The following WBP1L variants were observed in gnomAD, a reference collection of about 807,000 sequenced individuals.
WBP1L encodes WW domain binding protein 1 like.
In WBP1L, 17 loss-of-function variants were observed where a neutral mutation model predicts 33.7. That is an observed-to-expected ratio of 0.50 (90% CI 0.34 to 0.76). The LOEUF (loss-of-function observed/expected upper bound fraction) is 0.76, where lower values mean the gene tolerates loss of function less well. WBP1L is among the 30% of genes least tolerant of loss of function. WBP1L has a pLI of 0.01. For synonymous variants in WBP1L, 173 were observed against 190.8 expected (o/e 0.91, Z 0.77); for missense variants, 389 against 469.4 (o/e 0.83, Z 1.58).
chr10:102,763,889 C>G (rs539994599), intron 1 of WBP1L, among the ~76,000 whole-genome samples: 7 of 152,330 alleles, frequency 4.6e-5, no homozygotes, highest in Non-Finnish European at 7.3e-5. Context: ...TCTCGACTCA[C>G]TGCAACCTCT....
At chr10:102,777,250 A>G (rs971933345) in intron 1 of WBP1L, among the ~76,000 whole-genome samples, 3 of 152,056 alleles carry the variant, frequency 2.0e-5, no homozygotes, top group African/African-American at 4.8e-5. Flanking sequence ...GCTGCTGGCC[A>G]TAAGGGGTGG....
chr10:102,786,134 T>G (rs1469169276), intron 1 of WBP1L, among the ~76,000 whole-genome samples: 1 of 152,238 alleles, frequency 6.6e-6, no homozygotes, highest in Non-Finnish European at 1.5e-5. Context: ...GAGGATGTAG[T>G]TGCAGTGCAG....
intron 2 of WBP1L, among the ~76,000 whole-genome samples, chr10:102,806,777 TG>T (rs1022939235): frequency 3.3e-5 from 5 of 152,110 alleles, no homozygotes; most frequent in Non-Finnish European, 7.4e-5. Context: ...CTGCCGGGGC[TG>T]GGGGGCATGT....
At chr10:102,766,116 A>G (rs1394282774) in intron 1 of WBP1L, among the ~76,000 whole-genome samples, 3 of 152,098 alleles carry the variant, frequency 2.0e-5, no homozygotes, top group Non-Finnish European at 4.4e-5. Flanking sequence ...CCTTGGCAAC[A>G]TAGGAAGACC....
intron 1 of WBP1L, among the ~76,000 whole-genome samples, chr10:102,768,610 C>T (rs59279736): frequency 2.1e-4 from 10 of 46,870 alleles, no homozygotes; most frequent in East Asian, 1.7e-3. Context: ...AGGATGGTCT[C>T]GATCTCCTGA....
At chr10:102,766,441 CAAAAA>C (rs56812691) in intron 1 of WBP1L, among the ~76,000 whole-genome samples, 1 of 57,456 alleles carries the variant, frequency 1.7e-5, no homozygotes, top group Non-Finnish European at 3.0e-5. Context: ...AACTCTGTCT[CAAAAA>C]AAAAAAAAAA....
At position 102,744,118 on chromosome 10, in the gene WBP1L, T is replaced by C. The variant is rs1372595195; in HGVS notation, c.65T>C (p.Leu22Ser). 2 of 1,552,196 alleles carry C rather than the reference T, an allele frequency of 1.3e-6. No homozygotes were observed. Among genetic ancestry groups the C allele is most frequent in the Non-Finnish European group, 8.7e-7 (1 of 1,147,832 alleles). ...LLLLQALPSP[L>S]SARAEPPQDK... ...CTCCTCCAGGCGCTGCCCAGCCCCT[T>C]GTCAGCCAGGGCTGAACCCCCGCAG... Residue 22 changes from leucine to serine, a missense_variant, in exon 1 of 4, where the codon TTG (leucine) becomes TCG (serine). Transcript: ENST00000448841.
At chr10:102,769,360 C>T (rs7912168) in intron 1 of WBP1L, among the ~76,000 whole-genome samples, 72,214 of 117,988 alleles carry the variant, frequency 0.61, 19,449 homozygotes, top group East Asian at 0.8. Flanking sequence ...TTTTTTCTTT[C>T]TTTTTTTTTT....
intron 1 of WBP1L, among the ~76,000 whole-genome samples, chr10:102,781,274 A>G (rs977990757): frequency 1.3e-5 from 2 of 152,132 alleles, no homozygotes; most frequent in African/African-American, 4.8e-5. Context: ...TGGAGAGGGA[A>G]GGGGGGGAAT....
chr10:102,744,777 T>G (rs7074894), intron 1 of WBP1L, among the ~76,000 whole-genome samples: 31,794 of 152,120 alleles, frequency 0.21, 3,447 homozygotes, highest in Middle Eastern at 0.31. Flanking sequence ...GCTCTTGCTG[T>G]TAGGCTGGCT....
intron 1 of WBP1L, among the ~76,000 whole-genome samples, chr10:102,792,681 A>G (rs284842): frequency 0.3 from 44,845 of 148,930 alleles, 6,929 homozygotes; most frequent in South Asian, 0.37. Context: ...CACAGCCTCC[A>G]CCTCCCGGGT....
Position 102,809,745 on chromosome 10 carries a change from A to C in WBP1L, c.194-148A>C. The C allele has an allele frequency of 4.7e-6, 4 of 843,804 alleles. No homozygotes were observed. In the South Asian group the frequency reaches 7.0e-5, roughly 15 times the overall value. 52.3% of individuals were successfully genotyped at this position (843,804 alleles called of 1,614,324 possible). ...ACAAGCATTTATGGAAATTGATCAC[A>C]TGGCTTCAATGTAAATTAACTGGGT... is the stretch of plus-strand genomic sequence containing the variant. On this transcript the variant is annotated intron_variant, in intron 2 of 3. Transcript: ENST00000448841.
Position 102,810,897 on chromosome 10 carries a change from C to T in WBP1L, c.355+843C>T, listed in dbSNP as rs553030238. On this transcript the variant is annotated intron_variant, in intron 3 of 3. Coordinates refer to ENST00000448841, the MANE Select transcript of WBP1L (RefSeq NM_001083913.2). ...CCTTCCCTCCCCTCTTTTCCTTTCC[C>T]TCCCCTCCCCTCCCCTTCCTCTTTC... 1.2e-3 allele frequency among the ~76,000 whole-genome samples: 165 copies of T among 138,088 alleles called. 1 individual carries two copies. Among genetic ancestry groups the T allele is most frequent in the African/African-American group, 3.9e-3 (151 of 38,828 alleles). The allele number at this position is 138,088 out of a possible 152,430, so 90.6% of individuals were successfully genotyped here.
At chr10:102,765,053 T>C (rs1240350064) in intron 1 of WBP1L, among the ~76,000 whole-genome samples, 1 of 152,204 alleles carries the variant, frequency 6.6e-6, no homozygotes, top group Non-Finnish European at 1.5e-5. Context: ...TTTAAATTCC[T>C]CAGCTGAGAA....
chr10:102,748,325 T>C (rs999511556), intron 1 of WBP1L, among the ~76,000 whole-genome samples: 1 of 152,088 alleles, frequency 6.6e-6, no homozygotes, highest in Non-Finnish European at 1.5e-5. Flanking sequence ...CCTGCTATTT[T>C]TTCCCACCTC....
intron 2 of WBP1L, among the ~76,000 whole-genome samples, chr10:102,801,562 GCCC>G (rs1843657375): frequency 6.6e-6 from 1 of 152,134 alleles, no homozygotes; most frequent in Non-Finnish European, 1.5e-5. Context: ...ATGTGCATTG[GCCC>G]AAACCCCAAA....
chr10:102,812,549 A>G, intron 3 of WBP1L, 46 bp from the exon 4 acceptor site: 1 of 1,532,148 alleles, frequency 6.5e-7, no homozygotes, highest in Non-Finnish European at 8.8e-7. Flanking sequence ...TCTGCCTAGA[A>G]CAATGACCAG....
intron 3 of WBP1L, among the ~76,000 whole-genome samples, chr10:102,810,649 C>G (rs951252230): frequency 3.5e-5 from 5 of 141,912 alleles, no homozygotes; most frequent in Non-Finnish European, 6.1e-5. Context: ...TCACTGCAAC[C>G]TCTGCTTTCC....
At chr10:102,782,069 T>A (rs532854996) in intron 1 of WBP1L, among the ~76,000 whole-genome samples, 1 of 152,216 alleles carries the variant, frequency 6.6e-6, no homozygotes, top group Non-Finnish European at 1.5e-5. Context: ...AGTTTCACCA[T>A]GTTGGCCAGG....
Sources: gnomAD v4.1 joint callset for allele counts (sites outside exome capture counted in the v4.1 genomes callset) on GRCh38, gnomAD v4.1.1 for gene constraint, MANE v1.5 for transcripts, NCBI Gene and HGNC (gene_info 2026-07-23, HGNC 2026-07-21) for gene names.